Variants in ABCB11 observed in about 807,000 individuals in gnomAD.
The protein encoded by ABCB11 is ATP binding cassette subfamily B member 11.
In ABCB11, 95 loss-of-function variants were observed where a neutral mutation model predicts 148.0. That is an observed-to-expected ratio of 0.64 (90% CI 0.54 to 0.76). The LOEUF (loss-of-function observed/expected upper bound fraction) is 0.76, where lower values mean the gene tolerates loss of function less well. ABCB11 is among the 30% of genes least tolerant of loss of function. The pLI is 0.00. For missense variants in ABCB11, 1,523 were observed against 1,617.8 expected (o/e 0.94, Z 1.01); for synonymous variants, 591 against 555.4 (o/e 1.06, Z -0.90).
chr2:168,986,730 T>C (rs1694340364), intron 9 of ABCB11, among the ~76,000 whole-genome samples: 1 of 152,084 alleles, frequency 6.6e-6, no homozygotes, highest in South Asian at 2.1e-4. Context: ...CACCAACTCA[T>C]CTATAACTCA....
intron 12 of ABCB11, among the ~76,000 whole-genome samples, chr2:168,975,746 G>GAT (rs1484370685): frequency 2.1e-5 from 3 of 144,226 alleles, no homozygotes; most frequent in African/African-American, 7.6e-5. Flanking sequence ...AAGAGAGAAT[G>GAT]ATATATATAT....
rs2287612 is a variant in ABCB11 at position 168,996,332 on chromosome 2, C to G, written c.477+303G>C. Reference sequence around the variant, plus strand: ...CATTCTTCAAGCTACTCAACTGCCCCCTACAAACACACCTGCAAATGTCCA... The same window carrying G: ...CATTCTTCAAGCTACTCAACTGCCCGCTACAAACACACCTGCAAATGTCCA... On this transcript the variant is annotated intron_variant, in intron 6 of 27. Transcript: ENST00000650372. Among the ~76,000 whole-genome samples the G allele has an allele frequency of 0.015, 2,290 of 152,054 alleles. 253 individuals carry two copies. The East Asian group carries it at 0.3, about 20-fold the overall frequency.
chr2:168,936,218 C>T lies in ABCB11; in HGVS notation c.2814+12G>A. ...GCCATGAGGAATGGGAAAATTAGAT[C>T]TGCAAGATTACCTGTCCCACCATCT... On this transcript the variant is annotated intron_variant, in intron 22 of 27. Transcript: ENST00000650372. 1 of 1,610,322 alleles carries T rather than the reference C, an allele frequency of 6.2e-7. No individual in the cohort carries two copies. The highest frequency in any genetic ancestry group is 2.2e-5 in the East Asian group (1 of 44,828).
intron 11 of ABCB11, among the ~76,000 whole-genome samples, chr2:168,977,727 G>A (rs1337801533): frequency 6.6e-6 from 1 of 152,184 alleles, no homozygotes; most frequent in Non-Finnish European, 1.5e-5. Flanking sequence ...CATGGTTGAA[G>A]GCAAAGGGGA....
At chr2:168,951,667 T>C (rs978913025) in intron 19 of ABCB11, among the ~76,000 whole-genome samples, 3 of 151,634 alleles carry the variant, frequency 2.0e-5, no homozygotes, top group African/African-American at 4.8e-5. Flanking sequence ...TAGGGTATTC[T>C]ATAAATAATA....
In ABCB11 at chr2:168,969,321, A is replaced by G. The variant is rs1174018636; in HGVS notation, c.2011+29T>C. On this transcript the variant is annotated intron_variant, in intron 16 of 27. Coordinates refer to ENST00000650372, the MANE Select transcript of ABCB11 (RefSeq NM_003742.4). ...CTATAGACATTAACTATTTAATATA[A>G]CATACAAGTATAGGGAAAAAGCACT... is the stretch of plus-strand genomic sequence containing the variant. The G allele has an allele frequency of 3.2e-6, 5 of 1,577,484 alleles. No individual in the cohort carries two copies. The East Asian group carries it at 1.1e-4, about 36-fold the overall frequency.
At chr2:169,019,231 G>T (rs900343127) in intron 1 of ABCB11, among the ~76,000 whole-genome samples, 1 of 152,084 alleles carries the variant, frequency 6.6e-6, no homozygotes, top group Non-Finnish European at 1.5e-5. Context: ...GAGAGAAAGG[G>T]GGAGTTATGA....
At chr2:168,947,216 C>A (rs986105400) in intron 19 of ABCB11, among the ~76,000 whole-genome samples, 10 of 151,648 alleles carry the variant, frequency 6.6e-5, no homozygotes, top group African/African-American at 2.2e-4. Flanking sequence ...TCAAAACAAC[C>A]CAGTGAGGTA....
chr2:168,974,922 A>G (rs1376227742), intron 12 of ABCB11, among the ~76,000 whole-genome samples: 1 of 149,464 alleles, frequency 6.7e-6, no homozygotes, highest in Non-Finnish European at 1.5e-5. Flanking sequence ...CAGAATATAT[A>G]TTTACTTATG....
intron 9 of ABCB11, among the ~76,000 whole-genome samples, chr2:168,988,853 C>T (rs60948668): frequency 0.026 from 3,992 of 152,088 alleles, 173 homozygotes; most frequent in African/African-American, 0.092. Context: ...CTTGTGTTTC[C>T]TTGATGATTA....
At chr2:169,018,196 T>A in intron 1 of ABCB11, 44 bp from the exon 2 acceptor site, 1 of 1,536,876 alleles carries the variant, frequency 6.5e-7, no homozygotes, top group Non-Finnish European at 8.9e-7. Flanking sequence ...TTATCTCTTC[T>A]TTCTTCTTTA....
intron 21 of ABCB11, among the ~76,000 whole-genome samples, chr2:168,940,027 G>GTC (rs1167365452): frequency 6.6e-6 from 1 of 151,922 alleles, no homozygotes; most frequent in African/African-American, 2.4e-5. Flanking sequence ...TGGTCATTCT[G>GTC]TCTCTCTCTC....
Position 168,995,465 on chromosome 2 carries a change from A to G in ABCB11, c.495T>C (p.Ile165=), listed in dbSNP as rs1374722131. The G allele has an allele frequency of 6.2e-7, 1 of 1,611,576 alleles. No individual in the cohort carries two copies. Among genetic ancestry groups the G allele is most frequent in the African/African-American group, 1.3e-5 (1 of 74,786 alleles). Residue 165 remains isoleucine, a synonymous_variant, in exon 7 of 28, where the codon ATT becomes ATC. Coordinates refer to ENST00000650372, the MANE Select transcript of ABCB11 (RefSeq NM_003742.4). ...TGYIQICFWV[I]AAARQIQKMR... ...TTTTCTGTATCTGACGAGCTGCGGC[A>G]ATGACCCAAAAGCATATCTGGAAAT...
chr2:168,952,788 T>A (rs1692628774), intron 19 of ABCB11, among the ~76,000 whole-genome samples: 1 of 151,280 alleles, frequency 6.6e-6, no homozygotes, highest in African/African-American at 2.4e-5. Context: ...TTTCTTGAAG[T>A]GCAATGATAG....
At position 168,970,131 on chromosome 2, in the gene ABCB11, G is replaced by A. The variant is rs72549401; in HGVS notation, c.1723C>T (p.Arg575Ter). 37 of 1,612,812 alleles carry A rather than the reference G, an allele frequency of 2.3e-5. No homozygotes were observed. The Admixed American group carries it at 4.8e-4, about 21-fold the overall frequency. ...TCCAAAAGCAGAATCTTGGGATTTC[G>A]GATGAGGGCTCTGGCGATAGCTACC... ...QRVAIARALI[R>*]NPKILLLDMA... Residue 575 changes from arginine (R) to a stop codon, truncating the protein, a stop_gained, in exon 15 of 28, where the codon CGA (arginine) becomes TGA (stop). Coordinates refer to ENST00000650372, the MANE Select transcript of ABCB11 (RefSeq NM_003742.4). LOFTEE classifies it high-confidence loss of function.
intron 1 of ABCB11, among the ~76,000 whole-genome samples, chr2:169,026,104 T>TAA: frequency 6.6e-6 from 1 of 152,240 alleles, no homozygotes; most frequent in East Asian, 1.9e-4. Context: ...GAACAAAGTA[T>TAA]AAATTGACCT....
chr2:168,918,032 T>C (rs928852179), downstream of ABCB11, among the ~76,000 whole-genome samples: 1 of 100,020 alleles, frequency 1.0e-5, no homozygotes, highest in Non-Finnish European at 2.4e-5. Flanking sequence ...ATTTCACCTG[T>C]TTTTTTTCCA....
intron 7 of ABCB11, among the ~76,000 whole-genome samples, chr2:168,994,297 C>T (rs1294926379): frequency 6.6e-6 from 1 of 152,090 alleles, no homozygotes; most frequent in Non-Finnish European, 1.5e-5. Flanking sequence ...GAAGAAGTAA[C>T]ACCTTTCTCC....
chr2:169,014,236 C>CGG, intron 4 of ABCB11, 67 bp downstream of exon 4: 46 of 1,087,836 alleles, frequency 4.2e-5, no homozygotes, highest in Non-Finnish European at 6.2e-5. Context: ...AGATTTAACA[C>CGG]TCCCCTCATG....
Sources: allele counts gnomAD v4.1 joint callset (sites outside exome capture counted in the v4.1 genomes callset), GRCh38; gene constraint gnomAD v4.1.1; transcripts MANE v1.5; gene names NCBI Gene and HGNC (gene_info 2026-07-23, HGNC 2026-07-21).